NRXN3: variants seen among roughly 807,000 people sequenced by gnomAD.
NRXN3 encodes the protein neurexin III.
NRXN3 carries 32 observed loss-of-function variants against 137.6 expected under a neutral mutation model. That is an observed-to-expected ratio of 0.23 (90% CI 0.18 to 0.31). The LOEUF (loss-of-function observed/expected upper bound fraction) is 0.31, where lower values mean the gene tolerates loss of function less well. NRXN3 is among the 10% of genes least tolerant of loss of function. NRXN3 has a pLI of 1.00. For missense variants in NRXN3, 1,574 were observed against 2,062.5 expected, an observed-to-expected ratio of 0.76 and a Z score of 4.59; for synonymous variants, 798 against 784.5, an observed-to-expected ratio of 1.02 and a Z score of -0.29.
chr14:79,195,465 C>T (rs1301640685), intron 15 of NRXN3, among the ~76,000 whole-genome samples: 2 of 152,190 alleles, frequency 1.3e-5, no homozygotes, highest in Non-Finnish European at 2.9e-5. Context: ...TACTTTTACT[C>T]TCTACTTTCT....
At chr14:78,946,235 C>T (rs2099364898) in intron 10 of NRXN3, among the ~76,000 whole-genome samples, 1 of 152,086 alleles carries the variant, frequency 6.6e-6, no homozygotes, top group African/African-American at 2.4e-5. Flanking sequence ...ATTTGAGAAT[C>T]CAATGTACCT....
intron 8 of NRXN3, among the ~76,000 whole-genome samples, chr14:78,721,176 T>G (rs1454244445): frequency 6.6e-6 from 1 of 152,226 alleles, no homozygotes; most frequent in East Asian, 1.9e-4. Context: ...ACTGAGGTCT[T>G]GCTCAGACTA....
At chr14:78,317,289 C>T (rs2078817921) in intron 4 of NRXN3, among the ~76,000 whole-genome samples, 1 of 152,272 alleles carries the variant, frequency 6.6e-6, no homozygotes, top group South Asian at 2.1e-4. Context: ...TGGTTCATGA[C>T]CTGTTGGGAA....
chr14:79,363,238 G>A (rs2093751553), intron 15 of NRXN3, among the ~76,000 whole-genome samples: 1 of 152,180 alleles, frequency 6.6e-6, no homozygotes, highest in South Asian at 2.1e-4. Flanking sequence ...GACCTCAGGT[G>A]ATCCACCTGC....
At chr14:79,145,337 T>C (rs1214773979) in intron 15 of NRXN3, among the ~76,000 whole-genome samples, 1 of 152,188 alleles carries the variant, frequency 6.6e-6, no homozygotes, top group Non-Finnish European at 1.5e-5. Context: ...AACATTTTTA[T>C]TGGAAGACTT....
intron 19 of NRXN3, among the ~76,000 whole-genome samples, chr14:79,779,149 T>C (rs1276874709): frequency 1.3e-5 from 2 of 152,228 alleles, no homozygotes; most frequent in African/African-American, 4.8e-5. Flanking sequence ...GTTTTGCTTT[T>C]GTTGCCCAGG....
chr14:79,622,969 T>A (rs1034054433), intron 16 of NRXN3, among the ~76,000 whole-genome samples: 17 of 152,304 alleles, frequency 1.1e-4, no homozygotes, highest in African/African-American at 4.1e-4. Context: ...AATAGTGAAA[T>A]AATAGACTTC....
chr14:79,852,038 T>C (rs1307602539), intron 20 of NRXN3, among the ~76,000 whole-genome samples: 1 of 152,104 alleles, frequency 6.6e-6, no homozygotes, highest in Non-Finnish European at 1.5e-5. Flanking sequence ...TCTACTGTCA[T>C]CATTGTGCTC....
chr14:78,895,439 G>T (rs888148523), intron 10 of NRXN3, among the ~76,000 whole-genome samples: 5 of 151,840 alleles, frequency 3.3e-5, no homozygotes, highest in African/African-American at 1.2e-4. Context: ...GAAATAGTTT[G>T]GGCCTTGCTC....
intron 15 of NRXN3, among the ~76,000 whole-genome samples, chr14:79,184,584 C>G (rs561502324): frequency 6.6e-6 from 1 of 152,292 alleles, no homozygotes; most frequent in South Asian, 2.1e-4. Flanking sequence ...TCCCCTGCCC[C>G]CATGCTAACC....
At chr14:79,575,472 G>A (rs954535637) in intron 16 of NRXN3, among the ~76,000 whole-genome samples, 1 of 152,100 alleles carries the variant, frequency 6.6e-6, no homozygotes, top group Non-Finnish European at 1.5e-5. Flanking sequence ...TAAAGTGGCT[G>A]AATTTAAATG....
intron 16 of NRXN3, among the ~76,000 whole-genome samples, chr14:79,561,347 T>C (rs1421085769): frequency 6.6e-6 from 1 of 152,142 alleles, no homozygotes; most frequent in Non-Finnish European, 1.5e-5. Flanking sequence ...AAAGCCATAT[T>C]GTGATGTTGA....
At chr14:79,539,968 C>T (rs1179195954) in intron 16 of NRXN3, among the ~76,000 whole-genome samples, 1 of 152,060 alleles carries the variant, frequency 6.6e-6, no homozygotes, top group African/African-American at 2.4e-5. Context: ...TATGTTGAAA[C>T]AGGCAAAACA....
At chr14:79,034,164 A>G (rs974752815) in intron 15 of NRXN3, among the ~76,000 whole-genome samples, 3 of 152,092 alleles carry the variant, frequency 2.0e-5, no homozygotes, top group African/African-American at 7.2e-5. Flanking sequence ...ATGTGAGACT[A>G]AAGCCAAAGT....
At chr14:79,730,625 C>A (rs932893651) in intron 19 of NRXN3, among the ~76,000 whole-genome samples, 3 of 152,088 alleles carry the variant, frequency 2.0e-5, no homozygotes, top group African/African-American at 7.2e-5. Flanking sequence ...ATCTCTGTAG[C>A]CTGTTATAAT....
intron 10 of NRXN3, among the ~76,000 whole-genome samples, chr14:78,945,659 G>A (rs1287113599): frequency 6.6e-6 from 1 of 152,202 alleles, no homozygotes; most frequent in Non-Finnish European, 1.5e-5. Context: ...GTAAAATGTG[G>A]TTGTTAATGG....
intron 15 of NRXN3, among the ~76,000 whole-genome samples, chr14:79,075,697 C>A (rs1432373233): frequency 2.6e-5 from 4 of 152,156 alleles, no homozygotes; most frequent in Non-Finnish European, 4.4e-5. Context: ...ATGCCAAATG[C>A]ATGCTGTTTG....
At chr14:78,963,612 T>A (rs2099412289) in intron 11 of NRXN3, among the ~76,000 whole-genome samples, 1 of 152,218 alleles carries the variant, frequency 6.6e-6, no homozygotes, top group African/African-American at 2.4e-5. Context: ...CACTAAGCAA[T>A]TTTATTTCCT....
At position 79,663,236 on chromosome 14, in the gene NRXN3, G is replaced by A. The variant is rs374899166; in HGVS notation, c.3445-542G>A. ...CTGCAGAACCATTATGTGCATGTGTGTGTGTGTACGCGTGTGTGTGTGTGT... is the reference window on the plus strand; with the variant it reads ...CTGCAGAACCATTATGTGCATGTGTATGTGTGTACGCGTGTGTGTGTGTGT... On this transcript the variant is annotated intron_variant, in intron 16 of 20. Coordinates refer to ENST00000335750, the MANE Select transcript of NRXN3 (RefSeq NM_001330195.2). Among the ~76,000 whole-genome samples the A allele has an allele frequency of 9.3e-5, 14 of 149,896 alleles. No individual in the cohort carries two copies. In the East Asian group the frequency reaches 2.0e-3, roughly 21 times the overall value.
Sources: allele counts gnomAD v4.1 joint callset (sites outside exome capture counted in the v4.1 genomes callset), GRCh38; gene constraint gnomAD v4.1.1; transcripts MANE v1.5; gene names NCBI Gene and HGNC (gene_info 2026-07-23, HGNC 2026-07-21).